The following CCNH variants were observed in gnomAD, a reference collection of about 807,000 sequenced individuals.
CCNH encodes the protein cyclin-H.
CCNH carries 31 observed loss-of-function variants against 41.9 expected under a neutral mutation model. The observed-to-expected ratio is 0.74, with a 90% CI of 0.56 to 1.00. The LOEUF is 1.00. CCNH is among the 50% of genes least tolerant of loss of function. The pLI is 0.00. For synonymous variants in CCNH, 138 were observed against 136.1 expected, an observed-to-expected ratio of 1.01 and a Z score of -0.10; for missense variants, 362 against 388.4, an observed-to-expected ratio of 0.93 and a Z score of 0.57.
chr5:87,394,311 GA>G lies in CCNH; in HGVS notation c.*134del. 7.3e-7 allele frequency: 1 copy of G among 1,363,502 alleles called. No homozygotes were observed. Among genetic ancestry groups the G allele is most frequent in the Non-Finnish European group, 9.5e-7 (1 of 1,049,602 alleles). 84.5% of individuals were successfully genotyped at this position (1,363,502 alleles called of 1,614,324 possible). ...GGTTTATTTTACATAAAGTTACTGTGAAAGGGAAAGAAAACAATAGAAAAGT... is the reference window on the plus strand; with the variant it reads ...GGTTTATTTTACATAAAGTTACTGTGAAGGGAAAGAAAACAATAGAAAAGT... On this transcript the variant is annotated 3_prime_UTR_variant, in exon 9 of 9. Transcript: ENST00000256897.
At chr5:87,373,359 A>G (rs1761089777), downstream of CCNH, among the ~76,000 whole-genome samples, 1 of 152,162 alleles carries the variant, frequency 6.6e-6, no homozygotes, top group African/African-American at 2.4e-5. Context: ...GGGGGCATGC[A>G]TAGATTTTAT....
At chr5:87,343,048 G>A (rs932099575) in intron 9 of CCNH, among the ~76,000 whole-genome samples, 1 of 151,866 alleles carries the variant, frequency 6.6e-6, no homozygotes, top group Non-Finnish European at 1.5e-5. Flanking sequence ...TTGCATTGTT[G>A]GTTTATTTTA....
upstream of CCNH, among the ~76,000 whole-genome samples, chr5:87,380,314 T>C (rs925611014): frequency 3.3e-5 from 5 of 152,154 alleles, no homozygotes; most frequent in Admixed American, 2.0e-4. Flanking sequence ...ACTGAATAAA[T>C]TGATGATAAA....
chr5:87,402,985 A>G (rs544833114), intron 5 of CCNH, among the ~76,000 whole-genome samples: 2 of 152,230 alleles, frequency 1.3e-5, no homozygotes, highest in South Asian at 4.1e-4. Flanking sequence ...ACAGGCAATA[A>G]GAATACCTAA....
chr5:87,331,970 C>A (rs918782225), intron 9 of CCNH, among the ~76,000 whole-genome samples: 2 of 151,566 alleles, frequency 1.3e-5, no homozygotes, highest in Admixed American at 1.3e-4. Context: ...ACATATTTAC[C>A]CATATTGTAT....
intron 9 of CCNH, among the ~76,000 whole-genome samples, chr5:87,347,916 GA>G (rs1758978343): frequency 6.6e-6 from 1 of 151,916 alleles, no homozygotes. Context: ...ATACAAGGTT[GA>G]AAAGGAGCTA....
intron 6 of CCNH, among the ~76,000 whole-genome samples, chr5:87,400,300 C>T (rs1763302768): frequency 1.3e-5 from 2 of 152,118 alleles, no homozygotes; most frequent in South Asian, 4.1e-4. Flanking sequence ...ATCTATGTTC[C>T]AAAAATTACA....
chr5:87,400,599 A>C (rs1231983430), intron 6 of CCNH, among the ~76,000 whole-genome samples: 1 of 152,234 alleles, frequency 6.6e-6, no homozygotes, highest in African/African-American at 2.4e-5. Flanking sequence ...CCTCAGGATC[A>C]CTTCGAGCAG....
At chr5:87,320,920 C>CTGGA (rs759167413) in intron 9 of CCNH, among the ~76,000 whole-genome samples, 5 of 152,180 alleles carry the variant, frequency 3.3e-5, no homozygotes, top group Non-Finnish European at 7.3e-5. Context: ...AGAAGGGAGG[C>CTGGA]TGGAGCCTTT....
At chr5:87,390,796 C>T, downstream of CCNH, 1 of 1,608,782 alleles carries the variant, frequency 6.2e-7, no homozygotes, top group Non-Finnish European at 8.5e-7. Context: ...TTTCCTCTGT[C>T]TAGCACGTAT....
chr5:87,361,751 G>A lies in CCNH; in HGVS notation c.*90+31019C>T, dbSNP rs541826328. 2.6e-5 allele frequency among the ~76,000 whole-genome samples: 4 copies of A among 152,266 alleles called. No homozygotes were observed. The South Asian group carries it at 6.2e-4, about 24-fold the overall frequency. ...AGGCAATCAAAACCACAGGGCTTTT[G>A]AGAAAAGTGAGGTTAGGGGTGTTAA... On this transcript the variant is annotated intron_variant and NMD_transcript_variant, in intron 9 of 9. Transcript: ENST00000645953.
downstream of CCNH, chr5:87,390,892 G>GC (rs753218643): frequency 7.5e-6 from 12 of 1,601,778 alleles, no homozygotes; most frequent in Middle Eastern, 1.7e-4. Context: ...AGCAGCCTTC[G>GC]CCCCAGTGTT....
intron 9 of CCNH, chr5:87,385,241 T>C (rs1173612598): frequency 6.7e-6 from 7 of 1,045,620 alleles, no homozygotes; most frequent in Non-Finnish European, 6.0e-6. Flanking sequence ...AAATTTATAA[T>C]GGTTTAGCTG....
chr5:87,313,616 C>T (rs544863795), downstream of CCNH, among the ~76,000 whole-genome samples: 181 of 152,144 alleles, frequency 1.2e-3, 1 homozygote, highest in Non-Finnish European at 2.2e-3. Flanking sequence ...TTAAATGTCC[C>T]CCAGTATCCA....
chr5:87,323,309 A>G (rs1397037446), intron 9 of CCNH, among the ~76,000 whole-genome samples: 3 of 152,190 alleles, frequency 2.0e-5, no homozygotes, highest in African/African-American at 7.2e-5. Context: ...CTAACGCATA[A>G]TAGGAGCTTA....
chr5:87,337,079 G>A (rs3804236), intron 9 of CCNH, among the ~76,000 whole-genome samples: 10,346 of 151,788 alleles, frequency 0.068, 796 homozygotes, highest in African/African-American at 0.19. Context: ...AAAATTGCTG[G>A]AAAAAAAGAC....
At chr5:87,364,191 G>T (rs1485575036) in intron 9 of CCNH, among the ~76,000 whole-genome samples, 2 of 152,102 alleles carry the variant, frequency 1.3e-5, no homozygotes, top group Non-Finnish European at 2.9e-5. Flanking sequence ...TGTTTCAACA[G>T]CTTGTTTTTC....
chr5:87,379,341 G>A (rs1047240828), upstream of CCNH, among the ~76,000 whole-genome samples: 2 of 152,238 alleles, frequency 1.3e-5, no homozygotes, highest in Middle Eastern at 3.4e-3. Context: ...ATAGATAAAT[G>A]TACTCTGCTG....
At chr5:87,390,257 G>T (rs1461800784), downstream of CCNH, among the ~76,000 whole-genome samples, 2 of 152,170 alleles carry the variant, frequency 1.3e-5, no homozygotes, top group Non-Finnish European at 2.9e-5. Flanking sequence ...AGTGACCACA[G>T]GGACAGTTTT....
Sources: allele counts gnomAD v4.1 joint callset (sites outside exome capture counted in the v4.1 genomes callset), GRCh38; gene constraint gnomAD v4.1.1; transcripts MANE v1.5; gene names NCBI Gene and HGNC (gene_info 2026-07-23, HGNC 2026-07-21).